Variants in NPSR1 observed in about 807,000 individuals in gnomAD.
NPSR1 encodes neuropeptide S receptor 1.
A neutral mutation model predicts 46.9 loss-of-function variants in NPSR1; 48 were observed. That is an observed-to-expected ratio of 1.02 (90% CI 0.81 to 1.30). The LOEUF (loss-of-function observed/expected upper bound fraction) is 1.30. NPSR1 is among the 50% of genes most tolerant of loss of function. The probability of loss-of-function intolerance (pLI) is 0.00; values close to 1 mark genes in which losing one functional copy is unlikely to be tolerated. For missense variants in NPSR1, 450 were observed against 449.5 expected (o/e 1.00, Z -0.01); for synonymous variants, 176 against 168.1 (o/e 1.05, Z -0.36).
At chr7:34,672,568 G>A (rs1404692338) in intron 1 of NPSR1, among the ~76,000 whole-genome samples, 2 of 152,184 alleles carry the variant, frequency 1.3e-5, no homozygotes, top group African/African-American at 4.8e-5. Flanking sequence ...CCATGGTACT[G>A]ATGATAAAAA....
At chr7:34,876,286 T>A (rs1187181386) in intron 8 of NPSR1, among the ~76,000 whole-genome samples, 1 of 152,194 alleles carries the variant, frequency 6.6e-6, no homozygotes, top group Non-Finnish European at 1.5e-5. Context: ...CCCCACATAC[T>A]GGCTATGTGA....
At chr7:34,805,420 A>G (rs1788645113) in intron 3 of NPSR1, among the ~76,000 whole-genome samples, 1 of 147,724 alleles carries the variant, frequency 6.8e-6, no homozygotes, top group Non-Finnish European at 1.5e-5. Context: ...AAAGGCATTG[A>G]GAGATAGCCT....
At chr7:34,694,919 A>G (rs1793441391) in intron 2 of NPSR1, among the ~76,000 whole-genome samples, 1 of 152,204 alleles carries the variant, frequency 6.6e-6, no homozygotes, top group Non-Finnish European at 1.5e-5. Flanking sequence ...CATGTTGGCC[A>G]GGATGGTCTT....
chr7:34,763,777 C>T (rs893519812), intron 2 of NPSR1, among the ~76,000 whole-genome samples: 1 of 152,180 alleles, frequency 6.6e-6, no homozygotes, highest in African/African-American at 2.4e-5. Context: ...ACTGCATCTT[C>T]TTCACTGCCT....
At chr7:34,767,515 A>C (rs186755397) in intron 2 of NPSR1, among the ~76,000 whole-genome samples, 44 of 149,894 alleles carry the variant, frequency 2.9e-4, no homozygotes, top group African/African-American at 1.1e-3. Flanking sequence ...TTACACAGCC[A>C]GAGGAAGAAT....
At chr7:34,813,105 T>C (rs560672287) in intron 4 of NPSR1, among the ~76,000 whole-genome samples, 14 of 152,274 alleles carry the variant, frequency 9.2e-5, no homozygotes, top group African/African-American at 3.4e-4. Flanking sequence ...CACCCACACG[T>C]GTGCATGTAT....
At chr7:34,868,655 A>C (rs1017591213) in intron 8 of NPSR1, among the ~76,000 whole-genome samples, 1 of 151,664 alleles carries the variant, frequency 6.6e-6, no homozygotes, top group Admixed American at 6.6e-5. Context: ...AGATTGGCCC[A>C]GTAAGACAAA....
At chr7:34,873,128 T>G (rs892866196) in intron 8 of NPSR1, among the ~76,000 whole-genome samples, 1 of 151,768 alleles carries the variant, frequency 6.6e-6, no homozygotes, top group African/African-American at 2.4e-5. Flanking sequence ...ATGGGTGACT[T>G]TACTCCAGTT....
chr7:34,739,826 A>C (rs1784854703), intron 2 of NPSR1, among the ~76,000 whole-genome samples: 1 of 151,362 alleles, frequency 6.6e-6, no homozygotes, highest in Non-Finnish European at 1.5e-5. Flanking sequence ...GGTGAAATGG[A>C]CTCTGTGAAG....
At chr7:34,808,665 G>A (rs1280156080) in intron 3 of NPSR1, among the ~76,000 whole-genome samples, 1 of 152,006 alleles carries the variant, frequency 6.6e-6, no homozygotes, top group East Asian at 1.9e-4. Flanking sequence ...AGTATGCCAG[G>A]AAGACTATAA....
chr7:34,831,095 G>A (rs117341229), intron 5 of NPSR1, among the ~76,000 whole-genome samples: 26 of 152,186 alleles, frequency 1.7e-4, no homozygotes, highest in African/African-American at 3.1e-4. Flanking sequence ...TGTCCATGTC[G>A]TCATCTAGAC....
At chr7:34,873,809 A>C (rs1253536420) in intron 8 of NPSR1, among the ~76,000 whole-genome samples, 1 of 151,766 alleles carries the variant, frequency 6.6e-6, no homozygotes, top group East Asian at 1.9e-4. Flanking sequence ...TAGGTGGGGC[A>C]AGCCAGGAAC....
chr7:34,818,596 A>T (rs1486793669), intron 4 of NPSR1, among the ~76,000 whole-genome samples: 1 of 152,228 alleles, frequency 6.6e-6, no homozygotes, highest in Non-Finnish European at 1.5e-5. Context: ...GCCATAAAAG[A>T]GCCTGCATTG....
In NPSR1 at chr7:34,770,303, C is replaced by T. The variant is rs117469180; in HGVS notation, c.281-8159C>T. On this transcript the variant is annotated intron_variant, in intron 2 of 8. Transcript: ENST00000360581. The stretch of plus-strand genomic sequence containing the variant: ...GACATTCCTATTTGATCAATCACAA[C>T]TCACAGCTCTCAATGACTGCTCACA... Among the ~76,000 whole-genome samples the T allele has an allele frequency of 5.0e-4, 76 of 152,310 alleles. No homozygotes were observed. In the East Asian group the frequency reaches 0.013, roughly 27 times the overall value.
chr7:34,822,055 A>G (rs1789583612), intron 4 of NPSR1, among the ~76,000 whole-genome samples: 1 of 152,202 alleles, frequency 6.6e-6, no homozygotes, highest in South Asian at 2.1e-4. Context: ...GAGCAGATGA[A>G]ACACGGAAGC....
chr7:34,709,879 GA>G (rs1783187789), intron 2 of NPSR1, among the ~76,000 whole-genome samples: 1 of 152,098 alleles, frequency 6.6e-6, no homozygotes, highest in African/African-American at 2.4e-5. Context: ...ATGAGAAGGA[GA>G]AACCATTATT....
intron 2 of NPSR1, among the ~76,000 whole-genome samples, chr7:34,759,501 G>A (rs1334690544): frequency 6.6e-6 from 1 of 152,148 alleles, no homozygotes; most frequent in African/African-American, 2.4e-5. Flanking sequence ...CTGTTGACAT[G>A]TTTCTCAGCA....
chr7:34,834,511 A>C, intron 6 of NPSR1, 51 bp downstream of exon 6: 2 of 1,309,510 alleles, frequency 1.5e-6, no homozygotes, highest in Non-Finnish European at 2.2e-6. Flanking sequence ...GCTTCTCCAG[A>C]GGTTTTCTTC....
intron 4 of NPSR1, among the ~76,000 whole-genome samples, chr7:34,819,039 C>T (rs1425975573): frequency 1.3e-5 from 2 of 152,126 alleles, no homozygotes; most frequent in African/African-American, 4.8e-5. Flanking sequence ...ACACCAAAAG[C>T]AATGGCAACA....
Sources: gnomAD v4.1 joint callset for allele counts (sites outside exome capture counted in the v4.1 genomes callset) on GRCh38, gnomAD v4.1.1 for gene constraint, MANE v1.5 for transcripts, NCBI Gene and HGNC (gene_info 2026-07-23, HGNC 2026-07-21) for gene names.